The following C10orf90 variants were observed in gnomAD, a reference collection of about 807,000 sequenced individuals.
C10orf90 encodes chromosome 10 open reading frame 90.
A neutral mutation model predicts 62.5 loss-of-function variants in C10orf90; 56 were observed. The ratio of observed to expected loss-of-function variants is 0.90; its 90% CI spans 0.72 to 1.12. The LOEUF (loss-of-function observed/expected upper bound fraction) is 1.12, where lower values mean the gene tolerates loss of function less well. Among genes scored for constraint, C10orf90 ranks in the 50% most tolerant of loss-of-function variants. C10orf90 has a pLI of 0.00. For synonymous variants in C10orf90, 386 were observed against 340.4 expected, an observed-to-expected ratio of 1.13 and a Z score of -1.47; for missense variants, 970 against 880.4, an observed-to-expected ratio of 1.10 and a Z score of -1.29.
chr10:126,597,303 GAGTAGTACTC>G (rs1432722094), intron 2 of C10orf90, among the ~76,000 whole-genome samples: 1 of 152,250 alleles, frequency 6.6e-6, no homozygotes, highest in Non-Finnish European at 1.5e-5. Flanking sequence ...ATGTAATGGA[GAGTAGTACTC>G]AGCAATAGAA....
At chr10:126,475,495 C>T (rs571577298) in intron 4 of C10orf90, among the ~76,000 whole-genome samples, 3 of 152,322 alleles carry the variant, frequency 2.0e-5, no homozygotes, top group South Asian at 2.1e-4. Flanking sequence ...CTGCTCAGGA[C>T]GCCGCCTTCA....
At chr10:126,530,356 T>C (rs1003467986) in intron 2 of C10orf90, among the ~76,000 whole-genome samples, 7 of 149,410 alleles carry the variant, frequency 4.7e-5, no homozygotes, top group African/African-American at 1.7e-4. Flanking sequence ...AGAAAAAAAT[T>C]TAAAACACAC....
intron 2 of C10orf90, among the ~76,000 whole-genome samples, chr10:126,565,079 T>TAA (rs1844311899): frequency 3.4e-5 from 1 of 29,070 alleles, no homozygotes; most frequent in Non-Finnish European, 6.7e-5. Context: ...ATATATAATA[T>TAA]ATAAAATATA....
chr10:126,586,308 A>T (rs1251501410), intron 2 of C10orf90, among the ~76,000 whole-genome samples: 2 of 152,244 alleles, frequency 1.3e-5, no homozygotes, highest in Non-Finnish European at 2.9e-5. Context: ...AGCATGCCTC[A>T]CGCTGGGGCT....
At chr10:126,444,235 A>G (rs956047104) in intron 7 of C10orf90, among the ~76,000 whole-genome samples, 2 of 152,046 alleles carry the variant, frequency 1.3e-5, no homozygotes, top group Non-Finnish European at 2.9e-5. Flanking sequence ...TCAAACTGTC[A>G]CTGTTTGCTG....
intron 2 of C10orf90, among the ~76,000 whole-genome samples, chr10:126,591,782 C>T (rs1844984978): frequency 6.6e-6 from 1 of 151,974 alleles, no homozygotes; most frequent in Non-Finnish European, 1.5e-5. Flanking sequence ...ATGATATGAT[C>T]CCGTATCTAG....
Position 126,582,965 on chromosome 10 carries a change from T to C in C10orf90, c.313+63600A>G, listed in dbSNP as rs182192129. Among the ~76,000 whole-genome samples the C allele has an allele frequency of 4.7e-3, 718 of 152,312 alleles. 8 individuals are homozygous for C. The highest frequency in any genetic ancestry group is 0.016 in the African/African-American group (664 of 41,564). The stretch of plus-strand genomic sequence containing the variant: ...CTGCAGGAGCATTTCTCAGACTTGG[T>C]TGGCACTATTGATATTTGGTTCTGG... On this transcript the variant is annotated intron_variant, in intron 2 of 9. Transcript: ENST00000488181.
At chr10:126,436,687 G>C (rs952270569) in intron 7 of C10orf90, among the ~76,000 whole-genome samples, 3 of 151,980 alleles carry the variant, frequency 2.0e-5, no homozygotes, top group Non-Finnish European at 4.4e-5. Context: ...TTTGAGCCAG[G>C]GTCTCACTCT....
chr10:126,477,877 G>T (rs1309532107), intron 4 of C10orf90, among the ~76,000 whole-genome samples: 2 of 152,192 alleles, frequency 1.3e-5, no homozygotes, highest in Non-Finnish European at 2.9e-5. Flanking sequence ...AAAGCACCCA[G>T]GTACATCTGA....
intron 1 of C10orf90, among the ~76,000 whole-genome samples, chr10:126,659,721 A>G (rs1846469773): frequency 6.6e-6 from 1 of 152,224 alleles, no homozygotes; most frequent in African/African-American, 2.4e-5. Context: ...ATTTGGACAA[A>G]CTAGAGCTGT....
At position 126,650,116 on chromosome 10, in the gene C10orf90, G is replaced by T. The variant is rs1460886066; in HGVS notation, c.241-3479C>A. ...GATTTATGTGGCACTCTTTTTACAAGTGGAAATATTTTCCCCAATAAACCA... is the reference window on the plus strand; with the variant it reads ...GATTTATGTGGCACTCTTTTTACAATTGGAAATATTTTCCCCAATAAACCA... On this transcript the variant is annotated intron_variant, in intron 1 of 9. Coordinates refer to ENST00000488181, the MANE Select transcript of C10orf90 (RefSeq NM_001350921.2). Among the ~76,000 whole-genome samples the T allele has an allele frequency of 2.0e-5, 3 of 152,130 alleles. No homozygotes were observed. In the East Asian group the frequency reaches 5.8e-4, roughly 29 times the overall value.
chr10:126,621,441 C>G lies in C10orf90; in HGVS notation c.313+25124G>C, dbSNP rs117073807. 3.3e-3 allele frequency among the ~76,000 whole-genome samples: 502 copies of G among 152,270 alleles called. 1 individual carries two copies. Among genetic ancestry groups the G allele is most frequent in the Admixed American group, 8.6e-3 (131 of 15,292 alleles). ...AACTTGTGACCCTTCATGTCAGGAA[C>G]AATGTGGAATTTCTCTTCATATCGT... On this transcript the variant is annotated intron_variant, in intron 2 of 9. Transcript: ENST00000488181.
chr10:126,457,264 C>T (rs544071934), intron 7 of C10orf90, among the ~76,000 whole-genome samples: 2 of 152,348 alleles, frequency 1.3e-5, no homozygotes, highest in Admixed American at 6.5e-5. Flanking sequence ...GCTGGGATTA[C>T]AGGTGTGAGC....
chr10:126,569,729 T>G (rs992182330), intron 2 of C10orf90, among the ~76,000 whole-genome samples: 1 of 152,156 alleles, frequency 6.6e-6, no homozygotes, highest in Admixed American at 6.5e-5. Flanking sequence ...ATGGCCAATC[T>G]ATGCTAATGG....
intron 2 of C10orf90, among the ~76,000 whole-genome samples, chr10:126,599,077 A>G (rs937864161): frequency 6.6e-6 from 1 of 151,754 alleles, no homozygotes; most frequent in Non-Finnish European, 1.5e-5. Context: ...CCCGTCTGAC[A>G]TTTCCCAGAT....
intron 2 of C10orf90, among the ~76,000 whole-genome samples, chr10:126,538,325 T>G (rs149158310): frequency 1.3e-5 from 2 of 152,238 alleles, no homozygotes; most frequent in African/African-American, 2.4e-5. Flanking sequence ...CAATTCAAGA[T>G]GAGATTTGGG....
intron 2 of C10orf90, among the ~76,000 whole-genome samples, chr10:126,568,720 C>G (rs1410434232): frequency 6.6e-6 from 1 of 152,174 alleles, no homozygotes; most frequent in Non-Finnish European, 1.5e-5. Flanking sequence ...AGGGAAAAGA[C>G]AGCCAGACAG....
chr10:126,619,700 T>G (rs553442529), intron 2 of C10orf90, among the ~76,000 whole-genome samples: 1 of 152,198 alleles, frequency 6.6e-6, no homozygotes, highest in Admixed American at 6.5e-5. Flanking sequence ...AGCACAGTGG[T>G]GCAATCAAGG....
intron 2 of C10orf90, among the ~76,000 whole-genome samples, chr10:126,595,856 T>C (rs374699627): frequency 6.6e-6 from 1 of 152,048 alleles, no homozygotes; most frequent in East Asian, 1.9e-4. Context: ...CCCAGCCAGG[T>C]ACCTCTTCTT....
Sources: gnomAD v4.1 joint callset for allele counts (sites outside exome capture counted in the v4.1 genomes callset) on GRCh38, gnomAD v4.1.1 for gene constraint, MANE v1.5 for transcripts, NCBI Gene and HGNC (gene_info 2026-07-23, HGNC 2026-07-21) for gene names.